The following MSTO1 variants were observed in gnomAD, a reference collection of about 807,000 sequenced individuals.
The protein encoded by MSTO1 is misato mitochondrial distribution and morphology regulator 1.
MSTO1 carries 24 observed loss-of-function variants against 55.7 expected under a neutral mutation model. The ratio of observed to expected loss-of-function variants is 0.43; its 90% confidence interval spans 0.31 to 0.61. The LOEUF (loss-of-function observed/expected upper bound fraction) is 0.61, where lower values mean the gene tolerates loss of function less well. Ranked by LOEUF, MSTO1 falls within the 20% of genes least tolerant of loss-of-function variation. The pLI is 0.09. For synonymous variants in MSTO1, 162 were observed against 252.8 expected (o/e 0.64, Z 3.41); for missense variants, 363 against 625.7 (o/e 0.58, Z 4.48).
the MSTO1 span, among the ~76,000 whole-genome samples, chr1:155,564,096 G>A: frequency 6.6e-6 from 1 of 152,198 alleles, no homozygotes; most frequent in African/African-American, 2.4e-5. Context: ...TTACCTAAAG[G>A]GTAAAGCAGA....
the MSTO1 span, among the ~76,000 whole-genome samples, chr1:155,580,221 A>C: frequency 6.8e-6 from 1 of 147,194 alleles, no homozygotes. Flanking sequence ...TGAGACCCTG[A>C]CTCTAAGAAA....
At chr1:155,590,913 C>G in the MSTO1 span, 2 of 1,613,214 alleles carry the variant, frequency 1.2e-6, no homozygotes, top group East Asian at 4.5e-5. Flanking sequence ...AGGTGAGCAC[C>G]AGGCGGGCCT....
At chr1:155,597,436 T>A in the MSTO1 span, among the ~76,000 whole-genome samples, 1 of 151,238 alleles carries the variant, frequency 6.6e-6, no homozygotes, top group Non-Finnish European at 1.5e-5. Flanking sequence ...GCCATTACAC[T>A]CCAGCCTGGG....
At chr1:155,565,377 G>C in the MSTO1 span, among the ~76,000 whole-genome samples, 1 of 151,776 alleles carries the variant, frequency 6.6e-6, no homozygotes, top group African/African-American at 2.4e-5. Flanking sequence ...AAGACAATTA[G>C]CATTTGTGGA....
the MSTO1 span, chr1:155,602,227 A>G: frequency 2.6e-3 from 1,490 of 567,302 alleles, 5 homozygotes; most frequent in Non-Finnish European, 3.9e-3. Context: ...ACCTGTAATC[A>G]CAGCACTTTA....
chr1:155,568,437 G>GT, the MSTO1 span, among the ~76,000 whole-genome samples: 3 of 148,362 alleles, frequency 2.0e-5, no homozygotes, highest in South Asian at 2.1e-4. Context: ...TACAGGTTGA[G>GT]TTTTTTTTGT....
chr1:155,602,208 G>C, the MSTO1 span: 1 of 648,490 alleles, frequency 1.5e-6, no homozygotes, highest in Non-Finnish European at 3.0e-6. Flanking sequence ...GCCGGGCTTT[G>C]TGGCTCACAC....
the MSTO1 span, among the ~76,000 whole-genome samples, chr1:155,587,683 G>C: frequency 6.7e-6 from 1 of 150,132 alleles, no homozygotes; most frequent in African/African-American, 2.5e-5. Flanking sequence ...GGCGGAGCTT[G>C]CAGTGAGCCG....
chr1:155,571,680 T>C, the MSTO1 span, among the ~76,000 whole-genome samples: 4 of 152,178 alleles, frequency 2.6e-5, no homozygotes, highest in African/African-American at 9.7e-5. Context: ...CCTGGGGAGA[T>C]AGATATTATT....
the MSTO1 span, among the ~76,000 whole-genome samples, chr1:155,599,196 A>C: frequency 2.0e-5 from 3 of 152,078 alleles, no homozygotes; most frequent in Admixed American, 2.0e-4. Flanking sequence ...AAAAAAAAAA[A>C]GAAAAGCCTT....
the MSTO1 span, chr1:155,563,304 T>G: frequency 1.3e-5 from 6 of 455,668 alleles, no homozygotes; most frequent in Admixed American, 9.4e-5. Context: ...GGTCGCCTAG[T>G]CAGGAGAACT....
At chr1:155,594,183 C>T in the MSTO1 span, among the ~76,000 whole-genome samples, 1 of 151,910 alleles carries the variant, frequency 6.6e-6, no homozygotes, top group Non-Finnish European at 1.5e-5. Context: ...GGGTGGATCA[C>T]ATGAAGCTAA....
the MSTO1 span, among the ~76,000 whole-genome samples, chr1:155,592,828 C>T: frequency 6.6e-6 from 1 of 151,610 alleles, no homozygotes; most frequent in Non-Finnish European, 1.5e-5. Flanking sequence ...GTGCTGGGAG[C>T]GAGCCACTGT....
chr1:155,575,321 T>G, the MSTO1 span, among the ~76,000 whole-genome samples: 2 of 152,284 alleles, frequency 1.3e-5, no homozygotes, highest in South Asian at 2.1e-4. Flanking sequence ...TGAAGTGGTA[T>G]CTCATTGTGG....
At chr1:155,601,966 G>A in the MSTO1 span, 54 of 346,588 alleles carry the variant, frequency 1.6e-4, 1 homozygote, top group African/African-American at 8.8e-4. Flanking sequence ...GTGTTAGCCA[G>A]GATGGTCTCG....
chr1:155,603,112 C>T, the MSTO1 span, among the ~76,000 whole-genome samples: 1 of 152,106 alleles, frequency 6.6e-6, no homozygotes, highest in African/African-American at 2.4e-5. Context: ...TGCCTGTAAT[C>T]CCAGCACTTT....
the MSTO1 span, chr1:155,590,649 A>G: frequency 7.1e-7 from 1 of 1,412,968 alleles, no homozygotes; most frequent in Non-Finnish European, 9.6e-7. Context: ...GAGAGATGGC[A>G]GGGGCAGATG....
Position 155,612,434 on chromosome 1 carries a change from T to C in MSTO1, c.830T>C (p.Ile277Thr). Residue 277 changes from isoleucine to threonine, a missense_variant, in exon 9 of 14, where the codon ATC becomes ACC. Physicochemically the swap from Ile to Thr is moderately conservative, Grantham distance 89. Transcript: ENST00000245564. ...PYHRGEAQRN[I>T]YRLLNTAFGL... Reference sequence around the variant, plus strand: ...CTTCACCAGGAGGCCCAGAGAAACATCTATCGTCTATTAAACACAGCTTTT... The same window carrying C: ...CTTCACCAGGAGGCCCAGAGAAACACCTATCGTCTATTAAACACAGCTTTT... The C allele has an allele frequency of 2.5e-6, 4 of 1,613,252 alleles. No homozygotes were observed. Among genetic ancestry groups the C allele is most frequent in the Non-Finnish European group, 3.4e-6 (4 of 1,179,590 alleles).
chr1:155,569,506 C>A, the MSTO1 span, among the ~76,000 whole-genome samples: 1 of 144,302 alleles, frequency 6.9e-6, no homozygotes, highest in African/African-American at 2.6e-5. Flanking sequence ...GGCGCAATCT[C>A]AGCTCACTGC....
Sources: allele counts gnomAD v4.1 joint callset (sites outside exome capture counted in the v4.1 genomes callset), GRCh38; gene constraint gnomAD v4.1.1; transcripts MANE v1.5; gene names NCBI Gene and HGNC (gene_info 2026-07-23, HGNC 2026-07-21).